PRIMA1: variants seen among roughly 807,000 people sequenced by gnomAD.
The protein encoded by PRIMA1 is proline rich membrane anchor 1.
A neutral mutation model predicts 17.5 loss-of-function variants in PRIMA1; 7 were observed. The ratio of observed to expected loss-of-function variants is 0.40; its 90% confidence interval spans 0.23 to 0.75. The LOEUF (loss-of-function observed/expected upper bound fraction) is 0.75. Ranked by LOEUF, PRIMA1 falls within the 30% of genes least tolerant of loss-of-function variation. The pLI is 0.37. For synonymous variants in PRIMA1, 97 were observed against 77.9 expected, an observed-to-expected ratio of 1.25 and a Z score of -1.29; for missense variants, 200 against 201.8, an observed-to-expected ratio of 0.99 and a Z score of 0.05.
In PRIMA1 at chr14:93,718,323, TAA is replaced by T. The variant is rs1421738436; in HGVS notation, c.*3119_*3120del. On this transcript the variant is annotated 3_prime_UTR_variant, in exon 5 of 5. Transcript: ENST00000393140. ...GACATCTCTATATTTTTATTGAAAATAAAAAAGTCATGGTGCTTTCTTCCTCA... is the reference window on the plus strand; with the variant it reads ...GACATCTCTATATTTTTATTGAAAATAAAAGTCATGGTGCTTTCTTCCTCA... The T allele has an allele frequency of 6.6e-6, 1 of 150,956 alleles. No individual in the cohort carries two copies. Among genetic ancestry groups the T allele is most frequent in the Non-Finnish European group, 1.5e-5 (1 of 67,866 alleles). The allele number at this position is 150,956 out of a possible 1,614,324, so 9.4% of individuals were successfully genotyped here.
intron 4 of PRIMA1, among the ~76,000 whole-genome samples, chr14:93,731,207 A>T (rs10139196): frequency 0.13 from 14,436 of 109,710 alleles, 1,133 homozygotes; most frequent in East Asian, 0.27. Flanking sequence ...GGAGAATGAG[A>T]AGAGGGGAAG....
At chr14:93,788,812 TCTC>T (rs1268207999), upstream of PRIMA1, among the ~76,000 whole-genome samples, 2 of 151,332 alleles carry the variant, frequency 1.3e-5, no homozygotes, top group African/African-American at 4.9e-5. Flanking sequence ...GCGGGGAAAG[TCTC>T]CTCCACGCCG....
intron 3 of PRIMA1, among the ~76,000 whole-genome samples, chr14:93,775,811 G>C (rs1257071576): frequency 6.6e-6 from 1 of 152,210 alleles, no homozygotes; most frequent in African/African-American, 2.4e-5. Context: ...TCTTATTTTT[G>C]GGTTTTAGCC....
At chr14:93,767,215 A>T (rs1270340449) in intron 3 of PRIMA1, among the ~76,000 whole-genome samples, 2 of 150,746 alleles carry the variant, frequency 1.3e-5, no homozygotes, top group Non-Finnish European at 2.9e-5. Flanking sequence ...AGAACGATGT[A>T]TGCCAAGCCC....
Position 93,718,690 on chromosome 14 carries a change from ATATGTT to A in PRIMA1, c.*2748_*2753del, listed in dbSNP as rs1395035234. The A allele has an allele frequency of 6.6e-6, 1 of 152,182 alleles. No individual in the cohort carries two copies. Among genetic ancestry groups the A allele is most frequent in the African/African-American group, 2.4e-5 (1 of 41,278 alleles). 9.4% of individuals were successfully genotyped at this position (152,182 alleles called of 1,614,324 possible). A position where few individuals can be genotyped will look rare whatever the true frequency, so the allele number is the denominator to read the frequency against. ...AAATATATATAGCTATATATAATAT[ATATGTT>A]TATATGTTTACACCTATTAGTCTTT... On this transcript the variant is annotated 3_prime_UTR_variant, in exon 5 of 5. Transcript: ENST00000393140.
intron 3 of PRIMA1, 94 bp from the exon 4 acceptor site, chr14:93,737,464 C>T (rs777736716): frequency 2.7e-5 from 39 of 1,447,656 alleles, no homozygotes; most frequent in East Asian, 5.0e-5. Context: ...CCAACAGAGG[C>T]GTGGGGAGGT....
At position 93,726,109 on chromosome 14, in the gene PRIMA1, C is replaced by T; in HGVS notation, c.360-4563G>A. ...CCACCTTCAGACTTCTTGTCCCCTG[C>T]CCTGGGCTTGGAGGGCAGCAGGCTC... On this transcript the variant is annotated intron_variant, in intron 4 of 4. Transcript: ENST00000393140. This position sits in a 1 kb window ranked among gnomAD's most constrained non-coding sequence, Gnocchi z 4.2. 3 of 454,366 alleles carry T rather than the reference C, an allele frequency of 6.6e-6. No individual in the cohort carries two copies. The highest frequency in any genetic ancestry group is 4.7e-5 in the Admixed American group (2 of 42,524). 28.1% of individuals were successfully genotyped at this position (454,366 alleles called of 1,614,324 possible).
Position 93,737,129 on chromosome 14 carries a change from A to G in PRIMA1, c.359+112T>C. On this transcript the variant is annotated intron_variant, in intron 4 of 4. Coordinates refer to ENST00000393140, the MANE Select transcript of PRIMA1 (RefSeq NM_178013.4). ...ACTGTATATTCTTTCTGCTTCTTAT[A>G]TGCTTAACAACTTTTATAATTTAAA... is the stretch of plus-strand genomic sequence containing the variant. 3.8e-6 allele frequency: 4 copies of G among 1,046,382 alleles called. No homozygotes were observed. In the South Asian group the frequency reaches 5.1e-5, roughly 13 times the overall value. The allele number at this position is 1,046,382 out of a possible 1,614,324, so 64.8% of individuals were successfully genotyped here. A position where few individuals can be genotyped will look rare whatever the true frequency, so the allele number is the denominator to read the frequency against.
chr14:93,755,091 CT>C (rs2076282652), intron 3 of PRIMA1, among the ~76,000 whole-genome samples: 3 of 152,152 alleles, frequency 2.0e-5, no homozygotes, highest in Non-Finnish European at 4.4e-5. Context: ...CTGGAAGGTT[CT>C]AGAAACATCC....
At chr14:93,734,098 T>C (rs113197841) in intron 4 of PRIMA1, among the ~76,000 whole-genome samples, 1 of 152,206 alleles carries the variant, frequency 6.6e-6, no homozygotes, top group African/African-American at 2.4e-5. Context: ...GCACCAGGGA[T>C]ACTCTCTCTG....
At chr14:93,788,848 C>G (rs1243227248), upstream of PRIMA1, among the ~76,000 whole-genome samples, 2 of 152,084 alleles carry the variant, frequency 1.3e-5, no homozygotes, top group East Asian at 3.9e-4. Context: ...CGCGCGAGCC[C>G]TCCCCGGGCC....
intron 3 of PRIMA1, among the ~76,000 whole-genome samples, chr14:93,768,638 G>A (rs1884962613): frequency 6.6e-6 from 1 of 152,092 alleles, no homozygotes; most frequent in African/African-American, 2.4e-5. Context: ...CTTGGTAAAT[G>A]TTCAATAAAT....
At chr14:93,754,987 C>T (rs1235619634) in intron 3 of PRIMA1, among the ~76,000 whole-genome samples, 1 of 152,120 alleles carries the variant, frequency 6.6e-6, no homozygotes, top group Non-Finnish European at 1.5e-5. Flanking sequence ...TGGCTTGGCT[C>T]CTCACCAGGA....
intron 4 of PRIMA1, among the ~76,000 whole-genome samples, chr14:93,732,748 T>C (rs757669944): frequency 7.9e-5 from 12 of 152,068 alleles, no homozygotes; most frequent in African/African-American, 1.2e-4. Context: ...TGCTCGGAGA[T>C]TGTCATTTCA....
chr14:93,770,435 G>C (rs984497703), intron 3 of PRIMA1, among the ~76,000 whole-genome samples: 5 of 152,218 alleles, frequency 3.3e-5, no homozygotes, highest in African/African-American at 1.2e-4. Flanking sequence ...GTAGCAGGCA[G>C]CAGCCACGCT....
chr14:93,726,604 CAT>C lies in PRIMA1; in HGVS notation c.360-5060_360-5059del, dbSNP rs1052985196. On this transcript the variant is annotated intron_variant, in intron 4 of 4. Coordinates refer to ENST00000393140, the MANE Select transcript of PRIMA1 (RefSeq NM_178013.4). The surrounding 1 kb of genome is among the most constrained non-coding windows in gnomAD (Gnocchi z 4.2). ...ACATACACATGTACGCAAACACACA[CAT>C]ATATAATATACACATAGACACATGT... 8.5e-5 allele frequency among the ~76,000 whole-genome samples: 13 copies of C among 152,084 alleles called. No individual in the cohort carries two copies. Among genetic ancestry groups the C allele is most frequent in the Non-Finnish European group, 1.3e-4 (9 of 67,962 alleles).
Position 93,739,895 on chromosome 14 carries a change from G to A in PRIMA1, c.230-2525C>T, listed in dbSNP as rs576711456. ...AGCCTGACCAACATAGTGAAACCCC[G>A]TCTCTACTAAAAATACAAAAATTAT... On this transcript the variant is annotated intron_variant, in intron 3 of 4. Transcript: ENST00000393140. 5.3e-4 allele frequency among the ~76,000 whole-genome samples: 80 copies of A among 152,068 alleles called. 2 individuals are homozygous for A. The Middle Eastern group carries it at 0.024, about 45-fold the overall frequency.
intron 3 of PRIMA1, among the ~76,000 whole-genome samples, chr14:93,774,477 C>G (rs952958866): frequency 1.3e-5 from 2 of 152,230 alleles, no homozygotes; most frequent in Non-Finnish European, 2.9e-5. Flanking sequence ...CTCTTTCTCC[C>G]TTTATGCCAG....
intron 3 of PRIMA1, among the ~76,000 whole-genome samples, chr14:93,757,584 G>C (rs895412809): frequency 2.0e-5 from 3 of 152,198 alleles, no homozygotes; most frequent in Non-Finnish European, 4.4e-5. Flanking sequence ...AGGGGGCTTC[G>C]CCCAGCAATT....
Sources: gnomAD v4.1 joint callset for allele counts (sites outside exome capture counted in the v4.1 genomes callset) on GRCh38, gnomAD v4.1.1 for gene constraint, Gnocchi (gnomAD v3.1) non-coding constraint, MANE v1.5 for transcripts, NCBI Gene and HGNC (gene_info 2026-07-23, HGNC 2026-07-21) for gene names.